SOX6: variants seen among roughly 807,000 people sequenced by gnomAD.
SOX6 encodes transcription factor SOX-6.
A neutral mutation model predicts 97.8 loss-of-function variants in SOX6; 11 were observed. The ratio of observed to expected loss-of-function variants is 0.11; its 90% CI spans 0.07 to 0.19. The LOEUF is 0.19. Among genes scored for constraint, SOX6 ranks in the 10% least tolerant of loss-of-function variants. The probability of loss-of-function intolerance (pLI) is 1.00; values close to 1 mark genes in which losing one functional copy is unlikely to be tolerated. For synonymous variants in SOX6, 360 were observed against 371.4 expected, an observed-to-expected ratio of 0.97 and a Z score of 0.35; for missense variants, 810 against 1,039.5, an observed-to-expected ratio of 0.78 and a Z score of 3.04.
intron 1 of SOX6, among the ~76,000 whole-genome samples, chr11:16,469,402 G>A (rs1305460917): frequency 1.3e-5 from 2 of 151,884 alleles, no homozygotes; most frequent in Admixed American, 1.3e-4. Flanking sequence ...AGAGATGTAA[G>A]GTCTTACTTT....
chr11:16,206,214 C>G (rs1305563474), intron 4 of SOX6, among the ~76,000 whole-genome samples: 1 of 152,000 alleles, frequency 6.6e-6, no homozygotes, highest in Non-Finnish European at 1.5e-5. Flanking sequence ...TTATAAAGGT[C>G]AATTTCTTTT....
intron 12 of SOX6, among the ~76,000 whole-genome samples, chr11:16,021,531 T>C (rs1313986942): frequency 6.6e-6 from 1 of 152,122 alleles, no homozygotes; most frequent in African/African-American, 2.4e-5. Context: ...GGTGATTATA[T>C]TTTGAGGGAA....
chr11:16,029,092 C>T (rs1181818040), intron 12 of SOX6, among the ~76,000 whole-genome samples: 1 of 152,112 alleles, frequency 6.6e-6, no homozygotes, highest in East Asian at 1.9e-4. Context: ...ACTCTGAATT[C>T]CTGGTCTAAA....
intron 4 of SOX6, among the ~76,000 whole-genome samples, chr11:16,515,318 T>A (rs1386438822): frequency 6.6e-6 from 1 of 151,564 alleles, no homozygotes; most frequent in Non-Finnish European, 1.5e-5. Flanking sequence ...CATTTTTTCA[T>A]GTGTTTTTTG....
At chr11:16,377,094 A>C (rs1213808524) in intron 1 of SOX6, among the ~76,000 whole-genome samples, 4 of 152,040 alleles carry the variant, frequency 2.6e-5, no homozygotes, top group Non-Finnish European at 5.9e-5. Flanking sequence ...GTTTCCCAAC[A>C]AGGAGGATTT....
chr11:16,696,322 C>T lies in SOX6; in HGVS notation n.429+18508G>A, dbSNP rs553672912. Among the ~76,000 whole-genome samples the T allele has an allele frequency of 3.3e-5, 5 of 152,232 alleles. No homozygotes were observed. In the South Asian group the frequency reaches 1.0e-3, roughly 32 times the overall value. On this transcript the variant is annotated intron_variant and non_coding_transcript_variant, in intron 3 of 5. Coordinates refer to the SOX6 transcript ENST00000524520. ...TATAACCTTGAATGTGTCATCTAGT[C>T]TCTCTGAGCTTGAATTTCCTGATAT...
At chr11:16,081,148 T>C (rs1848464240) in intron 9 of SOX6, among the ~76,000 whole-genome samples, 1 of 152,104 alleles carries the variant, frequency 6.6e-6, no homozygotes, top group African/African-American at 2.4e-5. Flanking sequence ...GTCCCTGCAA[T>C]GAGGAAGCGT....
upstream of SOX6, among the ~76,000 whole-genome samples, chr11:16,361,352 C>T (rs570515589): frequency 1.1e-4 from 16 of 152,076 alleles, no homozygotes; most frequent in South Asian, 4.2e-4. Context: ...ACAACTCTCA[C>T]GTCTTAAAAA....
intron 1 of SOX6, chr11:16,402,761 G>GA (rs774027836): frequency 2.2e-5 from 36 of 1,604,590 alleles, no homozygotes; most frequent in South Asian, 8.9e-5. Context: ...GAAATATTAG[G>GA]AAAAAAAACA....
intron 3 of SOX6, among the ~76,000 whole-genome samples, chr11:16,257,513 G>C (rs1853729210): frequency 6.6e-6 from 1 of 151,834 alleles, no homozygotes; most frequent in Non-Finnish European, 1.5e-5. Context: ...TGTGCAAAAG[G>C]AGGAGTCTAG....
rs146389641 is a variant in SOX6, at chr11:16,421,273, A to G, written c.-5+55042T>C. ...AACTCTCAAAAGATTGAAGACAAAC[A>G]CAATGACTATATATTGATATTTGAG... On this transcript the variant is annotated intron_variant, in intron 1 of 15. Transcript: ENST00000396356. 1.5e-3 allele frequency among the ~76,000 whole-genome samples: 235 copies of G among 152,308 alleles called. 3 individuals are homozygous for G. Among genetic ancestry groups the G allele is most frequent in the Admixed American group, 0.011 (174 of 15,296 alleles).
intron 4 of SOX6, among the ~76,000 whole-genome samples, chr11:16,561,990 GTATAAGGAT>G (rs1847820768): frequency 6.6e-6 from 1 of 151,972 alleles, no homozygotes; most frequent in Admixed American, 6.6e-5. Flanking sequence ...GTCTCCCAAA[GTATAAGGAT>G]TACAGGTGTG....
intron 4 of SOX6, among the ~76,000 whole-genome samples, chr11:16,206,001 A>G (rs545503157): frequency 1.1e-4 from 17 of 152,144 alleles, no homozygotes; most frequent in Non-Finnish European, 1.9e-4. Flanking sequence ...AAGTAATTCA[A>G]TTTTTACTAT....
At chr11:16,402,985 C>T (rs1858600892) in intron 1 of SOX6, 4 of 644,980 alleles carry the variant, frequency 6.2e-6, no homozygotes, top group Middle Eastern at 5.4e-4. Flanking sequence ...TGTTCCCTCA[C>T]AGATGGAAGT....
chr11:16,534,243 A>G (rs765056563), intron 4 of SOX6, among the ~76,000 whole-genome samples: 1 of 152,146 alleles, frequency 6.6e-6, no homozygotes, highest in Non-Finnish European at 1.5e-5. Flanking sequence ...AAAATTCTCA[A>G]ATGAGCACTT....
chr11:16,732,304 G>T (rs539611853), intron 2 of SOX6, among the ~76,000 whole-genome samples: 9 of 152,150 alleles, frequency 5.9e-5, no homozygotes, highest in Non-Finnish European at 1.2e-4. Context: ...AAAGAACAAA[G>T]CTGGAGGCAT....
chr11:16,039,940 C>T (rs1260479953), intron 12 of SOX6, among the ~76,000 whole-genome samples: 2 of 151,880 alleles, frequency 1.3e-5, no homozygotes, highest in Non-Finnish European at 2.9e-5. Context: ...TAAGAGATTA[C>T]ATCTAGAAGA....
At chr11:16,328,618 A>T (rs1856179462) in intron 2 of SOX6, among the ~76,000 whole-genome samples, 2 of 152,216 alleles carry the variant, frequency 1.3e-5, no homozygotes, top group Admixed American at 6.5e-5. Flanking sequence ...CTTATACCAC[A>T]GACAATATAT....
intron 2 of SOX6, among the ~76,000 whole-genome samples, chr11:16,334,140 A>G (rs566410844): frequency 2.4e-4 from 36 of 152,306 alleles, no homozygotes; most frequent in Middle Eastern, 3.4e-3. Context: ...TAAAATAAAA[A>G]TAAACATGAC....
Sources: gnomAD v4.1 joint callset for allele counts (sites outside exome capture counted in the v4.1 genomes callset) on GRCh38, gnomAD v4.1.1 for gene constraint, MANE v1.5 for transcripts, NCBI Gene and HGNC (gene_info 2026-07-23, HGNC 2026-07-21) for gene names.